The following GULP1 variants were observed in gnomAD, a reference collection of about 807,000 sequenced individuals.
GULP1 encodes GULP PTB domain containing engulfment adaptor 1, also known as PTB domain-containing engulfment adapter protein 1.
GULP1 carries 19 observed loss-of-function variants against 40.9 expected under a neutral mutation model. The observed-to-expected ratio is 0.46, with a 90% CI of 0.32 to 0.68. The LOEUF (loss-of-function observed/expected upper bound fraction) is 0.68, where lower values mean the gene tolerates loss of function less well. Ranked by LOEUF, GULP1 falls within the 30% of genes least tolerant of loss-of-function variation. The pLI, the probability that GULP1 is intolerant of heterozygous loss-of-function variation, is 0.03. For missense variants in GULP1, 312 were observed against 362.2 expected (o/e 0.86, Z 1.12); for synonymous variants, 119 against 117.6 (o/e 1.01, Z -0.08).
chr2:188,381,793 T>C (rs2049035794), intron 1 of GULP1, among the ~76,000 whole-genome samples: 1 of 152,176 alleles, frequency 6.6e-6, no homozygotes. Context: ...TTTAACTATG[T>C]GTCATGCTTG....
intron 7 of GULP1, among the ~76,000 whole-genome samples, chr2:188,567,306 A>G (rs1697956097): frequency 6.6e-6 from 1 of 152,234 alleles, no homozygotes; most frequent in South Asian, 2.1e-4. Context: ...AATACAAATC[A>G]TGCTACTATA....
At chr2:188,298,514 A>G (rs1277127108) in intron 1 of GULP1, among the ~76,000 whole-genome samples, 1 of 152,172 alleles carries the variant, frequency 6.6e-6, no homozygotes, top group Non-Finnish European at 1.5e-5. Context: ...TTTATAAAAT[A>G]GCATTGTTTT....
At chr2:188,507,699 C>T (rs1027391742) in intron 4 of GULP1, among the ~76,000 whole-genome samples, 9 of 151,796 alleles carry the variant, frequency 5.9e-5, no homozygotes, top group Admixed American at 2.0e-4. Flanking sequence ...ACTGAAATTA[C>T]GTTAAGTGGT....
intron 7 of GULP1, among the ~76,000 whole-genome samples, chr2:188,557,641 G>A (rs1695119827): frequency 6.6e-6 from 1 of 152,212 alleles, no homozygotes; most frequent in East Asian, 1.9e-4. Context: ...CAGGCACAGG[G>A]TGCAAACTCT....
intron 4 of GULP1, among the ~76,000 whole-genome samples, chr2:188,502,065 C>T (rs2063485572): frequency 6.6e-6 from 1 of 151,878 alleles, no homozygotes; most frequent in Admixed American, 6.6e-5. Flanking sequence ...TTTGTACTGA[C>T]TTCATAGACA....
At chr2:188,584,182 T>C (rs1019985301) in intron 9 of GULP1, 83 bp from the exon 10 acceptor site, 3 of 902,794 alleles carry the variant, frequency 3.3e-6, no homozygotes, top group Non-Finnish European at 5.0e-6. Flanking sequence ...GTTGTTTACA[T>C]ATATTTTATA....
intron 4 of GULP1, among the ~76,000 whole-genome samples, chr2:188,501,619 T>G (rs2063442557): frequency 6.6e-6 from 1 of 151,908 alleles, no homozygotes; most frequent in Admixed American, 6.6e-5. Context: ...TGTTTCAATG[T>G]AAGTAGAAAT....
chr2:188,541,347 T>C (rs1329661492), intron 7 of GULP1, 29 bp downstream of exon 7: 2 of 1,598,786 alleles, frequency 1.3e-6, no homozygotes, highest in Non-Finnish European at 1.7e-6. Context: ...GTAGGGTGGT[T>C]TGTTCTGTTT....
At chr2:188,467,494 TG>T (rs1249071182) in intron 2 of GULP1, among the ~76,000 whole-genome samples, 2 of 152,122 alleles carry the variant, frequency 1.3e-5, no homozygotes, top group Non-Finnish European at 2.9e-5. Flanking sequence ...TAATATATCT[TG>T]GTATTTATTT....
intron 1 of GULP1, among the ~76,000 whole-genome samples, chr2:188,355,791 C>A (rs7579610): frequency 6.6e-6 from 1 of 151,646 alleles, no homozygotes; most frequent in Non-Finnish European, 1.5e-5. Flanking sequence ...ACTAGCAAAC[C>A]AGTATTTTGA....
chr2:188,397,175 C>T (rs966163742), intron 2 of GULP1, among the ~76,000 whole-genome samples: 3 of 152,198 alleles, frequency 2.0e-5, no homozygotes, highest in Non-Finnish European at 4.4e-5. Context: ...TGATTATCTA[C>T]GTACTCTTTT....
intron 7 of GULP1, among the ~76,000 whole-genome samples, chr2:188,549,281 TA>T: frequency 6.6e-6 from 1 of 151,726 alleles, no homozygotes; most frequent in Admixed American, 6.6e-5. Context: ...AAATAACTAG[TA>T]AAAAATCATT....
chr2:188,403,720 C>A (rs755518751), intron 2 of GULP1, among the ~76,000 whole-genome samples: 1 of 152,116 alleles, frequency 6.6e-6, no homozygotes, highest in African/African-American at 2.4e-5. Context: ...GGCTGTGGCA[C>A]TAAGTCTGTA....
At chr2:188,483,674 TAA>T (rs2061611991) in intron 4 of GULP1, among the ~76,000 whole-genome samples, 182 bp downstream of exon 4, 1 of 152,144 alleles carries the variant, frequency 6.6e-6, no homozygotes, top group South Asian at 2.1e-4. Flanking sequence ...TTTCTCTTTT[TAA>T]AAGTGTATTA....
At chr2:188,524,945 A>T (rs1235111247) in intron 5 of GULP1, among the ~76,000 whole-genome samples, 2 of 151,910 alleles carry the variant, frequency 1.3e-5, no homozygotes, top group Admixed American at 6.6e-5. Flanking sequence ...TTCTGATATT[A>T]AAAAAGAATT....
At chr2:188,375,130 G>A (rs1288725563) in intron 1 of GULP1, among the ~76,000 whole-genome samples, 1 of 152,160 alleles carries the variant, frequency 6.6e-6, no homozygotes, top group African/African-American at 2.4e-5. Context: ...GCTAACAGCA[G>A]ACAAATTTGT....
rs548572945 is a variant in GULP1, at chr2:188,388,969, T to A, written c.-45+5080T>A. Reference sequence around the variant, plus strand: ...GCAATGTTTCTAAATTTTTAAATAATTCAGGAAGAAACAATAGAAGCTTTG... The same window carrying A: ...GCAATGTTTCTAAATTTTTAAATAAATCAGGAAGAAACAATAGAAGCTTTG... On this transcript the variant is annotated intron_variant, in intron 2 of 11. Coordinates refer to ENST00000409830, the MANE Select transcript of GULP1 (RefSeq NM_016315.4). Among the ~76,000 whole-genome samples the A allele has an allele frequency of 2.0e-5, 3 of 152,294 alleles. No individual in the cohort carries two copies. In the South Asian group the frequency reaches 6.2e-4, roughly 32 times the overall value.
chr2:188,319,671 T>C (rs1452943126), intron 1 of GULP1, among the ~76,000 whole-genome samples: 10 of 152,140 alleles, frequency 6.6e-5, no homozygotes. Flanking sequence ...CCTTTTTCTT[T>C]TATGGTTGTT....
intron 1 of GULP1, among the ~76,000 whole-genome samples, chr2:188,377,067 G>A (rs2152473239): frequency 6.6e-6 from 1 of 152,194 alleles, no homozygotes; most frequent in African/African-American, 2.4e-5. Flanking sequence ...AGCTACTTGG[G>A]AGGCTGAGGC....
Sources: gnomAD v4.1 joint callset for allele counts (sites outside exome capture counted in the v4.1 genomes callset) on GRCh38, gnomAD v4.1.1 for gene constraint, MANE v1.5 for transcripts, NCBI Gene and HGNC (gene_info 2026-07-23, HGNC 2026-07-21) for gene names.